BRINP3: variants seen among roughly 807,000 people sequenced by gnomAD.
BRINP3 encodes the protein BMP/retinoic acid-inducible neural-specific protein 3.
Under a neutral mutation model 71.0 loss-of-function variants are expected in BRINP3, and 19 were observed. That is an observed-to-expected ratio of 0.27 (90% confidence interval 0.19 to 0.39). The LOEUF is 0.39. BRINP3 is among the 10% of genes least tolerant of loss of function. The pLI is 1.00. For synonymous variants in BRINP3, 380 were observed against 337.7 expected (o/e 1.13, Z -1.37); for missense variants, 959 against 940.8 (o/e 1.02, Z -0.25).
chr1:190,138,266 T>A (rs996125696), intron 7 of BRINP3, among the ~76,000 whole-genome samples: 8 of 152,262 alleles, frequency 5.3e-5, no homozygotes, highest in African/African-American at 1.4e-4. Flanking sequence ...GACTTCCTAG[T>A]TTTTGAATGG....
chr1:190,290,143 A>G (rs146553806), intron 2 of BRINP3, among the ~76,000 whole-genome samples: 1 of 152,202 alleles, frequency 6.6e-6, no homozygotes, highest in Non-Finnish European at 1.5e-5. Flanking sequence ...ATATTTCTCA[A>G]TTATCCTCTT....
At chr1:190,350,823 T>A (rs1370207198) in intron 2 of BRINP3, among the ~76,000 whole-genome samples, 1 of 11,124 alleles carries the variant, frequency 9.0e-5, no homozygotes, top group Non-Finnish European at 2.4e-4. Flanking sequence ...GTTCACCTTG[T>A]TTTTTTTTTT....
At chr1:190,367,132 C>A (rs2102163956) in intron 2 of BRINP3, among the ~76,000 whole-genome samples, 1 of 152,318 alleles carries the variant, frequency 6.6e-6, no homozygotes, top group East Asian at 1.9e-4. Flanking sequence ...TTTCATTGCC[C>A]TGGCAGAGGT....
chr1:190,175,949 A>G (rs1652468975), intron 6 of BRINP3, among the ~76,000 whole-genome samples: 1 of 152,174 alleles, frequency 6.6e-6, no homozygotes, highest in South Asian at 2.1e-4. Flanking sequence ...GCCCTGGAAC[A>G]TAAGGCCCTC....
chr1:190,278,860 TA>T (rs1662825877), intron 3 of BRINP3, among the ~76,000 whole-genome samples: 1 of 150,324 alleles, frequency 6.7e-6, no homozygotes, highest in South Asian at 2.1e-4. Context: ...ACATGGTGTA[TA>T]CAAAAAAAAA....
At chr1:190,370,304 T>C in intron 2 of BRINP3, among the ~76,000 whole-genome samples, 1 of 152,150 alleles carries the variant, frequency 6.6e-6, no homozygotes, top group East Asian at 1.9e-4. Flanking sequence ...ACAGAAGATA[T>C]TTGTAAAATA....
chr1:190,299,309 G>T (rs761663232), intron 2 of BRINP3, among the ~76,000 whole-genome samples: 2 of 151,622 alleles, frequency 1.3e-5, no homozygotes, highest in Non-Finnish European at 2.9e-5. Context: ...TTAAAGTAAT[G>T]ATTAACATTA....
chr1:190,352,637 T>C (rs528729229), intron 2 of BRINP3, among the ~76,000 whole-genome samples: 1 of 152,084 alleles, frequency 6.6e-6, no homozygotes, highest in Non-Finnish European at 1.5e-5. Context: ...TGCTAAAACA[T>C]ATTTATATGA....
chr1:190,152,052 T>C lies in BRINP3; in HGVS notation c.1184+8616A>G, dbSNP rs547231685. 2.6e-5 allele frequency among the ~76,000 whole-genome samples: 4 copies of C among 152,260 alleles called. No homozygotes were observed. In the East Asian group the frequency reaches 7.7e-4, roughly 29 times the overall value. On this transcript the variant is annotated intron_variant, in intron 7 of 7. Transcript: ENST00000367462. Reference sequence around the variant, plus strand: ...TGGAGTATTTGGCATGCATGTGTTGTAGCTTTCCAAAAAGGGCTGTAGTAT... The same window carrying C: ...TGGAGTATTTGGCATGCATGTGTTGCAGCTTTCCAAAAAGGGCTGTAGTAT...
chr1:190,346,986 A>G (rs1668063724), intron 2 of BRINP3, among the ~76,000 whole-genome samples: 1 of 152,102 alleles, frequency 6.6e-6, no homozygotes, highest in Non-Finnish European at 1.5e-5. Context: ...TCATTTTTAC[A>G]GTCAACCAGT....
At chr1:190,181,429 T>C (rs1309795272) in intron 6 of BRINP3, among the ~76,000 whole-genome samples, 2 of 152,068 alleles carry the variant, frequency 1.3e-5, no homozygotes, top group Non-Finnish European at 2.9e-5. Context: ...ATTTTATTTT[T>C]TTCTCTTGTC....
At chr1:190,280,751 A>G (rs1289983405) in intron 3 of BRINP3, among the ~76,000 whole-genome samples, 1 of 151,972 alleles carries the variant, frequency 6.6e-6, no homozygotes, top group African/African-American at 2.4e-5. Context: ...TCAATTTTAT[A>G]CAGTGTTCTT....
At chr1:190,467,045 C>A (rs532681593) in intron 1 of BRINP3, among the ~76,000 whole-genome samples, 140 of 151,584 alleles carry the variant, frequency 9.2e-4, no homozygotes, top group African/African-American at 3.3e-3. Context: ...GTCCTGGTTT[C>A]TCCATTTCTC....
At chr1:190,254,121 T>C (rs555273447) in intron 4 of BRINP3, among the ~76,000 whole-genome samples, 16 of 152,116 alleles carry the variant, frequency 1.1e-4, no homozygotes, top group Non-Finnish European at 2.4e-4. Context: ...GTTCCATTGG[T>C]ATATATATCT....
At chr1:190,218,752 C>T (rs1656624685) in intron 6 of BRINP3, among the ~76,000 whole-genome samples, 1 of 152,012 alleles carries the variant, frequency 6.6e-6, no homozygotes, top group South Asian at 2.1e-4. Context: ...TCCTTGTCCC[C>T]TCTATTCACC....
intron 3 of BRINP3, among the ~76,000 whole-genome samples, chr1:190,266,802 T>C (rs919058706): frequency 6.6e-6 from 1 of 152,136 alleles, no homozygotes; most frequent in African/African-American, 2.4e-5. Context: ...GTGGTCTAAG[T>C]AAGTACTCAC....
In BRINP3 at chr1:190,461,529, G is replaced by T. The variant is rs140563723; in HGVS notation, c.-50-6589C>A. 3.5e-3 allele frequency among the ~76,000 whole-genome samples: 526 copies of T among 152,098 alleles called. 3 individuals carry two copies. Among genetic ancestry groups the T allele is most frequent in the African/African-American group, 0.012 (488 of 41,488 alleles). On this transcript the variant is annotated intron_variant, in intron 1 of 7. Transcript: ENST00000367462. ...CTGCACATCTCCTTTCCTTCAATTA[G>T]ATTAATTTTGGGAGAAAAATAATTG...
intron 2 of BRINP3, among the ~76,000 whole-genome samples, chr1:190,435,317 A>T (rs1273378505): frequency 6.6e-6 from 1 of 152,138 alleles, no homozygotes; most frequent in African/African-American, 2.4e-5. Flanking sequence ...CACTTTAAAA[A>T]ATAGACATTT....
chr1:190,321,190 A>G (rs501982), intron 2 of BRINP3, among the ~76,000 whole-genome samples: 61,103 of 151,870 alleles, frequency 0.4, 13,164 homozygotes, highest in Non-Finnish European at 0.49. Context: ...GAGTCAGCAG[A>G]CAGGGAAGAA....
Sources: gnomAD v4.1 joint callset for allele counts (sites outside exome capture counted in the v4.1 genomes callset) on GRCh38, gnomAD v4.1.1 for gene constraint, MANE v1.5 for transcripts, NCBI Gene and HGNC (gene_info 2026-07-23, HGNC 2026-07-21) for gene names.